ZNF44: variants seen among roughly 807,000 people sequenced by gnomAD.
ZNF44 encodes zinc finger protein 44, also known as gonadotropin inducible transcription repressor-2.
A neutral mutation model predicts 11.7 loss-of-function variants in ZNF44; 9 were observed. The ratio of observed to expected loss-of-function variants is 0.77; its 90% CI spans 0.46 to 1.35. The LOEUF (loss-of-function observed/expected upper bound fraction) is 1.35. Ranked by LOEUF, ZNF44 falls within the 40% of genes most tolerant of loss-of-function variation. The pLI is 0.00. For synonymous variants in ZNF44, 224 were observed against 242.7 expected (o/e 0.92, Z 0.72); for missense variants, 696 against 743.1 (o/e 0.94, Z 0.74).
At chr19:12,231,532 C>T in intron 2 of ZNF44, among the ~76,000 whole-genome samples, 1 of 152,150 alleles carries the variant, frequency 6.6e-6, no homozygotes, top group East Asian at 1.9e-4. Flanking sequence ...TCAATTGCAA[C>T]AGATCATGAG....
intron 1 of ZNF44, among the ~76,000 whole-genome samples, chr19:12,292,981 T>C (rs1236044337): frequency 6.6e-6 from 1 of 151,018 alleles, no homozygotes; most frequent in Non-Finnish European, 1.5e-5. Flanking sequence ...GTGATTCTCC[T>C]GCCTCAGCCT....
At position 12,272,677 on chromosome 19, in the gene ZNF44, G is replaced by A. The variant is rs768514794; in HGVS notation, c.1578C>T (p.His526=). Reference sequence around the variant, plus strand: ...TACATTCATATGGCTTCTCTGCCGTGTGAGTCCTTTCATGAGTTTTTAAGT... The same window carrying A: ...TACATTCATATGGCTTCTCTGCCGTATGAGTCCTTTCATGAGTTTTTAAGT... ...FSYLKTHERT[H]TAEKPYECKQ... The change falls in exon 4 of 4, where the codon CAC becomes CAT. Residue 526 remains histidine, a synonymous_variant. Transcript: ENST00000355684. 6.2e-7 allele frequency: 1 copy of A among 1,613,980 alleles called. No homozygotes were observed. The highest frequency in any genetic ancestry group is 2.2e-5 in the East Asian group (1 of 44,866).
At chr19:12,274,151 C>T in intron 3 of ZNF44, 88 bp from the exon 4 acceptor site, 1 of 1,218,962 alleles carries the variant, frequency 8.2e-7, no homozygotes, top group Non-Finnish European at 1.1e-6. Context: ...TTAACATTAT[C>T]AGGCAAGCTA....
At chr19:12,236,379 C>G (rs1001170986) in intron 1 of ZNF44, among the ~76,000 whole-genome samples, 21 of 152,166 alleles carry the variant, frequency 1.4e-4, no homozygotes, top group African/African-American at 4.1e-4. Context: ...ACACCAAAAT[C>G]GGACACAAAT....
chr19:12,234,431 A>G (rs1916295956), intron 2 of ZNF44, among the ~76,000 whole-genome samples: 1 of 152,158 alleles, frequency 6.6e-6, no homozygotes, highest in Admixed American at 6.5e-5. Flanking sequence ...GGCTTTTTCT[A>G]TTGATCTTTA....
intron 1 of ZNF44, among the ~76,000 whole-genome samples, chr19:12,285,534 G>A (rs987263029): frequency 2.0e-4 from 30 of 152,154 alleles, no homozygotes; most frequent in Admixed American, 3.3e-4. Context: ...GACAACAGGC[G>A]TGAGCCACAG....
intron 1 of ZNF44, among the ~76,000 whole-genome samples, chr19:12,279,338 T>C (rs1314359972): frequency 1.3e-5 from 2 of 151,944 alleles, no homozygotes; most frequent in Non-Finnish European, 2.9e-5. Context: ...CTGGGCAACA[T>C]AGTGAGATTC....
At chr19:12,277,338 T>G (rs1318009151) in intron 1 of ZNF44, among the ~76,000 whole-genome samples, 1 of 152,216 alleles carries the variant, frequency 6.6e-6, no homozygotes, top group Non-Finnish European at 1.5e-5. Context: ...AACTTTCTAC[T>G]GGGTAATGTC....
chr19:12,294,880 T>C lies in ZNF44; in HGVS notation c.-186A>G, dbSNP rs1345968763. 1 of 659,566 alleles carries C rather than the reference T, an allele frequency of 1.5e-6. No homozygotes were observed. 40.9% of individuals were successfully genotyped at this position (659,566 alleles called of 1,614,324 possible). Reference sequence around the variant, plus strand: ...CCCTCCTCTCTGCCTCGCGCCTGATTGACAATTCTCAGGAACCCGCCCACG... The same window carrying C: ...CCCTCCTCTCTGCCTCGCGCCTGATCGACAATTCTCAGGAACCCGCCCACG... On this transcript the variant is annotated 5_prime_UTR_variant, in exon 1 of 4. Transcript: ENST00000355684.
At chr19:12,261,970 T>A (rs1000899298) in intron 5 of ZNF44, among the ~76,000 whole-genome samples, 2 of 152,336 alleles carry the variant, frequency 1.3e-5, no homozygotes, top group African/African-American at 2.4e-5. Flanking sequence ...TAACTTTTTT[T>A]AAACATAGGA....
intron 5 of ZNF44, among the ~76,000 whole-genome samples, chr19:12,254,864 T>C (rs1317068068): frequency 2.6e-5 from 4 of 152,212 alleles, no homozygotes; most frequent in Admixed American, 6.5e-5. Flanking sequence ...GGTGGATGGA[T>C]CACTTGAGGT....
In ZNF44 at chr19:12,294,689, C is replaced by T; in HGVS notation, c.3+3G>A. 6.4e-7 allele frequency: 1 copy of T among 1,562,296 alleles called. No homozygotes were observed. Among genetic ancestry groups the T allele is most frequent in the Non-Finnish European group, 8.7e-7 (1 of 1,154,298 alleles). On this transcript the variant is annotated splice_donor_region_variant and intron_variant, in intron 1 of 3. Coordinates refer to ENST00000355684, the MANE Select transcript of ZNF44 (RefSeq NM_016264.4). ...CTCAGGACGCCGGGCCCCGCACACT[C>T]ACCATTTCCCGGCTGTGCGGTGTCC... is the stretch of plus-strand genomic sequence containing the variant.
rs903990187 is a variant in ZNF44, at chr19:12,226,520, A to G, written n.444T>C. ...CTTGGTAAAATAACCAGTTTTCCCA[A>G]TTGTGTCCTGTTACAAAAGAAAACA... On this transcript the variant is annotated non_coding_transcript_exon_variant, in exon 4 of 4. Transcript: ENST00000597563. 7.2e-5 allele frequency: 11 copies of G among 152,352 alleles called. No individual in the cohort carries two copies. The East Asian group carries it at 2.1e-3, about 29-fold the overall frequency. The allele number at this position is 152,352 out of a possible 1,614,324, so 9.4% of individuals were successfully genotyped here. A position where few individuals can be genotyped will look rare whatever the true frequency, so the allele number is the denominator to read the frequency against.
downstream of ZNF44, among the ~76,000 whole-genome samples, chr19:12,267,537 A>G (rs1458954093): frequency 6.6e-6 from 1 of 152,184 alleles, no homozygotes; most frequent in African/African-American, 2.4e-5. Flanking sequence ...ACGCCAAGTG[A>G]CAAACATATT....
chr19:12,251,286 G>A (rs559002216), intron 5 of ZNF44, among the ~76,000 whole-genome samples: 1 of 149,258 alleles, frequency 6.7e-6, no homozygotes, highest in Non-Finnish European at 1.5e-5. Context: ...AGCCAAGATC[G>A]CACATTGCAC....
downstream of ZNF44, among the ~76,000 whole-genome samples, chr19:12,243,145 C>G (rs1227929750): frequency 2.6e-5 from 4 of 152,066 alleles, no homozygotes; most frequent in African/African-American, 9.7e-5. Context: ...GTAAACATTC[C>G]TTTTTTATTT....
At chr19:12,291,057 C>G in intron 1 of ZNF44, 2 of 253,740 alleles carry the variant, frequency 7.9e-6, no homozygotes, top group Non-Finnish European at 7.9e-6. Flanking sequence ...TATAGCTCAA[C>G]AAGAAAAGCA....
chr19:12,293,243 G>A (rs1413722658), intron 1 of ZNF44: 1 of 1,536,516 alleles, frequency 6.5e-7, no homozygotes, highest in Non-Finnish European at 8.7e-7. Flanking sequence ...TGATCCTTTG[G>A]GAGGCCCCAC....
intron 5 of ZNF44, among the ~76,000 whole-genome samples, chr19:12,254,824 G>A (rs1917175123): frequency 6.6e-6 from 1 of 151,966 alleles, no homozygotes; most frequent in Non-Finnish European, 1.5e-5. Context: ...GGTGGCTCAC[G>A]CCTATAATCC....
Sources: allele counts gnomAD v4.1 joint callset (sites outside exome capture counted in the v4.1 genomes callset), GRCh38; gene constraint gnomAD v4.1.1; transcripts MANE v1.5; gene names NCBI Gene and HGNC (gene_info 2026-07-23, HGNC 2026-07-21).